Variants in TMEM108 observed in about 807,000 individuals in gnomAD.
The protein encoded by TMEM108 is cancer/testis antigen 124.
Under a neutral mutation model 35.1 loss-of-function variants are expected in TMEM108, and 12 were observed. That is an observed-to-expected ratio of 0.34 (90% CI 0.22 to 0.55). The LOEUF is 0.55. TMEM108 is among the 20% of genes least tolerant of loss of function. The pLI, the probability that TMEM108 is intolerant of heterozygous loss-of-function variation, is 0.89. For synonymous variants in TMEM108, 287 were observed against 308.6 expected (o/e 0.93, Z 0.73); for missense variants, 680 against 753.3 (o/e 0.90, Z 1.14).
At chr3:133,102,596 C>A (rs1381042991) in intron 2 of TMEM108, among the ~76,000 whole-genome samples, 1 of 152,220 alleles carries the variant, frequency 6.6e-6, no homozygotes, top group Non-Finnish European at 1.5e-5. Context: ...TCCTTTACCT[C>A]TGACTCCCTA....
chr3:133,190,430 C>T (rs1945482326), intron 2 of TMEM108, among the ~76,000 whole-genome samples: 2 of 152,168 alleles, frequency 1.3e-5, no homozygotes, highest in Admixed American at 1.3e-4. Flanking sequence ...ATTTGCTGAA[C>T]TTTCCTGGAT....
intron 2 of TMEM108, among the ~76,000 whole-genome samples, chr3:133,137,648 G>C (rs1242641735): frequency 6.6e-6 from 1 of 152,126 alleles, no homozygotes; most frequent in African/African-American, 2.4e-5. Context: ...CTTGTCACAA[G>C]GATAGATTAC....
chr3:133,109,115 G>A (rs951410461), intron 2 of TMEM108, among the ~76,000 whole-genome samples: 1 of 152,098 alleles, frequency 6.6e-6, no homozygotes, highest in African/African-American at 2.4e-5. Flanking sequence ...GAATGATACG[G>A]TGGAAAGAAT....
intron 2 of TMEM108, among the ~76,000 whole-genome samples, chr3:133,109,996 C>T (rs1944206244): frequency 6.6e-6 from 1 of 152,106 alleles, no homozygotes; most frequent in Non-Finnish European, 1.5e-5. Context: ...CTTCTGGAAC[C>T]CTTACAGGAT....
chr3:133,100,103 G>A (rs772736894), intron 2 of TMEM108, among the ~76,000 whole-genome samples: 4 of 152,138 alleles, frequency 2.6e-5, no homozygotes, highest in Non-Finnish European at 4.4e-5. Context: ...GAATCATGGC[G>A]GGAGGTGAAA....
chr3:133,329,619 T>C (rs2071370400), intron 3 of TMEM108, among the ~76,000 whole-genome samples: 1 of 152,292 alleles, frequency 6.6e-6, no homozygotes, highest in South Asian at 2.1e-4. Context: ...TTGGGAGAGA[T>C]TTTACTTATC....
intron 3 of TMEM108, among the ~76,000 whole-genome samples, chr3:133,285,448 A>G (rs917127581): frequency 6.6e-6 from 1 of 152,186 alleles, no homozygotes; most frequent in Non-Finnish European, 1.5e-5. Context: ...CCACTGGGAC[A>G]GCAGTCTAGA....
intron 2 of TMEM108, among the ~76,000 whole-genome samples, chr3:133,162,323 T>C (rs1430807211): frequency 6.6e-6 from 1 of 152,186 alleles, no homozygotes; most frequent in Admixed American, 6.5e-5. Context: ...TTTATTATTT[T>C]GTTTGCAACT....
chr3:133,333,939 G>T (rs2071440008), intron 3 of TMEM108, among the ~76,000 whole-genome samples: 1 of 152,098 alleles, frequency 6.6e-6, no homozygotes, highest in South Asian at 2.1e-4. Flanking sequence ...CTGTAAACTT[G>T]AAAAAGTCAT....
intron 3 of TMEM108, among the ~76,000 whole-genome samples, chr3:133,237,366 C>G (rs1319842969): frequency 1.4e-5 from 2 of 143,612 alleles, no homozygotes; most frequent in Non-Finnish European, 3.2e-5. Context: ...TCTCTGCATC[C>G]CCATTGTCTC....
At chr3:133,364,995 C>T (rs143640501) in intron 3 of TMEM108, among the ~76,000 whole-genome samples, 44 of 152,324 alleles carry the variant, frequency 2.9e-4, no homozygotes, top group African/African-American at 1.0e-3. Flanking sequence ...TGAAGCAAGG[C>T]AGCTCTTTTA....
intron 2 of TMEM108, among the ~76,000 whole-genome samples, chr3:133,165,044 A>T (rs1945017528): frequency 6.6e-6 from 1 of 152,254 alleles, no homozygotes; most frequent in African/African-American, 2.4e-5. Flanking sequence ...TACTTATTAA[A>T]AATAAATTAT....
chr3:133,385,164 A>G (rs191516766), intron 4 of TMEM108, among the ~76,000 whole-genome samples: 2 of 152,322 alleles, frequency 1.3e-5, no homozygotes, highest in East Asian at 3.9e-4. Context: ...AACCCGGGTG[A>G]GAATGACTCT....
intron 2 of TMEM108, among the ~76,000 whole-genome samples, chr3:133,205,463 A>G (rs917569525): frequency 2.0e-5 from 3 of 152,078 alleles, no homozygotes; most frequent in Admixed American, 2.0e-4. Flanking sequence ...TTCCATATTT[A>G]GTGCTTCCTT....
intron 2 of TMEM108, among the ~76,000 whole-genome samples, chr3:133,196,061 T>G (rs75068961): frequency 1.4e-3 from 211 of 152,352 alleles, no homozygotes; most frequent in South Asian, 2.5e-3. Flanking sequence ...TTTACAGATA[T>G]AGCAAATCCT....
chr3:133,321,882 AAAAC>A (rs1211423030), intron 3 of TMEM108, among the ~76,000 whole-genome samples: 2 of 152,206 alleles, frequency 1.3e-5, no homozygotes, highest in African/African-American at 4.8e-5. Flanking sequence ...TGGAACCCTC[AAAAC>A]TATAGAAATA....
chr3:133,057,624 A>C (rs1943486646), intron 2 of TMEM108, among the ~76,000 whole-genome samples: 1 of 151,720 alleles, frequency 6.6e-6, no homozygotes, highest in Admixed American at 6.6e-5. Context: ...CTGGTTGTTT[A>C]AATTTTGTGG....
At chr3:133,046,865 A>G (rs1296220245) in intron 2 of TMEM108, among the ~76,000 whole-genome samples, 2 of 152,166 alleles carry the variant, frequency 1.3e-5, no homozygotes, top group South Asian at 2.1e-4. Context: ...TTAAAGAAAC[A>G]TACTTAACTG....
intron 2 of TMEM108, among the ~76,000 whole-genome samples, chr3:133,077,133 G>A (rs575479557): frequency 1.6e-4 from 24 of 152,188 alleles, no homozygotes; most frequent in Non-Finnish European, 2.9e-4. Context: ...CAAAGACTCA[G>A]ACAAAGGGCA....
Sources: allele counts gnomAD v4.1 joint callset (sites outside exome capture counted in the v4.1 genomes callset), GRCh38; gene constraint gnomAD v4.1.1; transcripts MANE v1.5; gene names NCBI Gene and HGNC (gene_info 2026-07-23, HGNC 2026-07-21).